Variants in NDUFS2 observed in about 807,000 individuals in gnomAD.
NDUFS2 encodes NADH dehydrogenase [ubiquinone] iron-sulfur protein 2, mitochondrial.
A neutral mutation model predicts 69.6 loss-of-function variants in NDUFS2; 38 were observed. That is an observed-to-expected ratio of 0.55 (90% CI 0.42 to 0.72). NDUFS2 has a LOEUF of 0.72. Ranked by LOEUF, NDUFS2 falls within the 30% of genes least tolerant of loss-of-function variation. The pLI is 0.00. For missense variants in NDUFS2, 468 were observed against 595.0 expected (o/e 0.79, Z 2.22); for synonymous variants, 194 against 211.2 (o/e 0.92, Z 0.70).
At position 161,209,942 on chromosome 1, in the gene NDUFS2, C is replaced by A; in HGVS notation, c.702+11C>A. Reference sequence around the variant, plus strand: ...GGAGGAGTGCACCAGGTGAGCAGGTCCCCGGCTTCCCCAAATGTCCAGCCC... The same window carrying A: ...GGAGGAGTGCACCAGGTGAGCAGGTACCCGGCTTCCCCAAATGTCCAGCCC... On this transcript the variant is annotated intron_variant, in intron 6 of 13. Transcript: ENST00000676972. 1 of 1,613,588 alleles carries A rather than the reference C, an allele frequency of 6.2e-7. No individual in the cohort carries two copies. Among genetic ancestry groups the A allele is most frequent in the South Asian group, 1.1e-5 (1 of 91,028 alleles).
At chr1:161,199,465 C>A (rs41270845), upstream of NDUFS2, 2 of 152,266 alleles carry the variant, frequency 1.3e-5, no homozygotes, top group African/African-American at 4.8e-5. Context: ...GCCCTAGTGG[C>A]TGGTTTCCAG....
At position 161,209,920 on chromosome 1, in the gene NDUFS2, G is replaced by A; in HGVS notation, c.691G>A (p.Gly231Arg). The stretch of plus-strand genomic sequence containing the variant: ...GCATGCTGCTTATATCCGGCCAGGA[G>A]GAGTGCACCAGGTGAGCAGGTCCCC... ...RMHAAYIRPG[G>R]VHQDLPLGLM... Residue 231 changes from glycine (G) to arginine (R), a missense_variant, in exon 6 of 14, where the codon GGA becomes AGA. This residue lies in a region of NDUFS2 where 339 missense variants were observed against 433.8 expected (regional missense o/e 0.78). Transcript: ENST00000676972. 6.2e-7 allele frequency: 1 copy of A among 1,614,094 alleles called. No individual in the cohort carries two copies. The highest frequency in any genetic ancestry group is 8.5e-7 in the Non-Finnish European group (1 of 1,180,026).
chr1:161,210,662 A>G lies in NDUFS2; in HGVS notation c.938A>G (p.Gln313Arg). 1 of 1,614,130 alleles carries G rather than the reference A, an allele frequency of 6.2e-7. No individual in the cohort carries two copies. Among genetic ancestry groups the G allele is most frequent in the Non-Finnish European group, 8.5e-7 (1 of 1,180,022 alleles). Residue 313 changes from glutamine to arginine, a missense_variant, in exon 9 of 14, where the codon CAG becomes CGG. Around this residue, in one of 3 missense-constraint regions of NDUFS2, gnomAD observed 339 missense variants for 433.8 expected, o/e 0.78. Transcript: ENST00000676972. Reference protein sequence around the residue: ...RKTQPYDVYDQVEFDVPVGSR... With the variant: ...RKTQPYDVYDRVEFDVPVGSR... The stretch of plus-strand genomic sequence containing the variant: ...ACCCAGCCCTATGATGTTTACGACC[A>G]GGTTGAGTTTGATGTTCCTGTTGGT...
rs560241867 is a variant in NDUFS2, at chr1:161,212,705, G to A, written c.1116+225G>A. 25 of 436,306 alleles carry A rather than the reference G, an allele frequency of 5.7e-5. No homozygotes were observed. The East Asian group carries it at 8.8e-4, about 15-fold the overall frequency. 27.0% of individuals were successfully genotyped at this position (436,306 alleles called of 1,614,324 possible). A position where few individuals can be genotyped will look rare whatever the true frequency, so the allele number is the denominator to read the frequency against. Reference sequence around the variant, plus strand: ...CTCCCAAGTAGCTGAGATTACAGGCGTGTGCCACTACGCCCAGCTAATTTT... The same window carrying A: ...CTCCCAAGTAGCTGAGATTACAGGCATGTGCCACTACGCCCAGCTAATTTT... On this transcript the variant is annotated intron_variant, in intron 10 of 13. Transcript: ENST00000676972.
intron 9 of NDUFS2, among the ~76,000 whole-genome samples, chr1:161,211,665 G>A (rs912657393): frequency 8.6e-5 from 13 of 152,016 alleles, no homozygotes; most frequent in Admixed American, 4.6e-4. Context: ...AACAAAAAAC[G>A]AAAACCAAAA....
chr1:161,202,612 C>G, intron 1 of NDUFS2, 132 bp downstream of exon 1: 3 of 1,008,002 alleles, frequency 3.0e-6, no homozygotes, highest in Non-Finnish European at 4.5e-6. Context: ...TCTTGGGCTA[C>G]GGGATGCAGT....
At chr1:161,202,081 C>A (rs943256622), upstream of NDUFS2, 1 of 477,860 alleles carries the variant, frequency 2.1e-6, no homozygotes, top group Non-Finnish European at 3.8e-6. Context: ...CGCAGGCGGG[C>A]TCGGCGAGAG....
At position 161,212,593 on chromosome 1, in the gene NDUFS2, G is replaced by A. The variant is rs1008178109; in HGVS notation, c.1116+113G>A. The A allele has an allele frequency of 1.7e-5, 24 of 1,401,390 alleles. No individual in the cohort carries two copies. In the East Asian group the frequency reaches 5.7e-4, roughly 33 times the overall value. 86.8% of individuals were successfully genotyped at this position (1,401,390 alleles called of 1,614,324 possible). A position where few individuals can be genotyped will look rare whatever the true frequency, so the allele number is the denominator to read the frequency against. ...GGTTTTCTTTTTTTTTTGAGACAGA[G>A]TTTTACTCTTATTGCCCAGACTGGA... On this transcript the variant is annotated intron_variant, in intron 10 of 13. Coordinates refer to ENST00000676972, the MANE Select transcript of NDUFS2 (RefSeq NM_001377299.1).
rs1437950569 is a variant in NDUFS2, at chr1:161,209,270, G to C, written c.471G>C (p.Lys157Asn). 6.2e-7 allele frequency: 1 copy of C among 1,614,150 alleles called. No homozygotes were observed. Among genetic ancestry groups the C allele is most frequent in the Non-Finnish European group, 8.5e-7 (1 of 1,180,034 alleles). The change falls in exon 4 of 14, where the codon AAG becomes AAC. Residue 157 changes from lysine (K) to asparagine (N), a missense_variant. Transcript: ENST00000676972. ...NEQAYSLAVEKLLNIRPPPRA... is the reference protein window; with the variant it reads ...NEQAYSLAVENLLNIRPPPRA... ...AGGCCTATTCTCTAGCTGTGGAGAAGTTGCTAAACATCCGGCCTCCTCCTC... is the reference window on the plus strand; with the variant it reads ...AGGCCTATTCTCTAGCTGTGGAGAACTTGCTAAACATCCGGCCTCCTCCTC...
intron 9 of NDUFS2, among the ~76,000 whole-genome samples, chr1:161,210,937 C>T (rs1379337058): frequency 6.6e-6 from 1 of 152,170 alleles, no homozygotes; most frequent in African/African-American, 2.4e-5. Flanking sequence ...TGCAATGGTG[C>T]AATCTCGGCT....
chr1:161,210,802 A>G (rs1052330974), intron 9 of NDUFS2, 92 bp downstream of exon 9: 18 of 1,584,766 alleles, frequency 1.1e-5, no homozygotes, highest in Admixed American at 8.5e-5. Context: ...CCTACTTCTC[A>G]GTGTCTGTGG....
chr1:161,208,453 A>C (rs1157002430), intron 3 of NDUFS2, among the ~76,000 whole-genome samples: 1 of 151,802 alleles, frequency 6.6e-6, no homozygotes, highest in Non-Finnish European at 1.5e-5. Flanking sequence ...GGCATGCACC[A>C]CCACGCCCTG....
At chr1:161,200,127 T>C (rs1324741568), upstream of NDUFS2, among the ~76,000 whole-genome samples, 2 of 152,144 alleles carry the variant, frequency 1.3e-5, no homozygotes, top group Non-Finnish European at 2.9e-5. Flanking sequence ...CAGTGGTTCC[T>C]GGAATATCTA....
chr1:161,206,332 G>A, intron 2 of NDUFS2, 75 bp from the exon 3 acceptor site: 1 of 1,468,140 alleles, frequency 6.8e-7, no homozygotes, highest in Admixed American at 1.7e-5. Context: ...TATAGGGAGA[G>A]GCTAACTCCT....
upstream of NDUFS2, chr1:161,197,912 TG>T: frequency 6.7e-7 from 1 of 1,498,674 alleles, no homozygotes; most frequent in Non-Finnish European, 8.9e-7. Flanking sequence ...GAAGTGTAAG[TG>T]GGTGGAGAGA....
At position 161,206,448 on chromosome 1, in the gene NDUFS2, C is replaced by G; in HGVS notation, c.244C>G (p.Leu82Val). 2 of 1,614,240 alleles carry G rather than the reference C, an allele frequency of 1.2e-6. No individual in the cohort carries two copies. Among genetic ancestry groups the G allele is most frequent in the Non-Finnish European group, 1.7e-6 (2 of 1,180,048 alleles). The change falls in exon 3 of 14, where the codon CTG (leucine) becomes GTG (valine). Residue 82 changes from leucine to valine, a missense_variant. Leu to Val is a conservative substitution (Grantham distance 32, BLOSUM62 1). This residue lies in a region of NDUFS2 where 339 missense variants were observed against 433.8 expected (regional missense o/e 0.78). Coordinates refer to ENST00000676972, the MANE Select transcript of NDUFS2 (RefSeq NM_001377299.1). The part of the protein sequence containing the change: ...PKDTIVKNIT[L>V]NFGPQHPAAH... ...GGACACAATTGTGAAGAACATTACC[C>G]TGAACTTTGGGCCCCAACACCCAGC...
chr1:161,211,945 T>C (rs1665789453), intron 9 of NDUFS2, among the ~76,000 whole-genome samples: 1 of 152,086 alleles, frequency 6.6e-6, no homozygotes, highest in Non-Finnish European at 1.5e-5. Flanking sequence ...CTGGGGTTGG[T>C]GGCTCATGCC....
intron 5 of NDUFS2, 46 bp from the exon 6 acceptor site, chr1:161,209,811 T>G (rs1665671040): frequency 6.3e-7 from 1 of 1,596,982 alleles, no homozygotes. Flanking sequence ...TCATAGGACC[T>G]GGGGGCCTGG....
Position 161,210,125 on chromosome 1 carries a change from G to C in NDUFS2, c.717G>C (p.Gly239=). ...TTGGCTTCTAGGACCTACCCCTTGG[G>C]CTTATGGATGACATTTATCAGTTTT... The part of the protein sequence containing the change: ...PGGVHQDLPL[G]LMDDIYQFSK... The change falls in exon 7 of 14, where the codon GGG becomes GGC. Residue 239 remains glycine, a synonymous_variant. Transcript: ENST00000676972. The C allele has an allele frequency of 6.2e-7, 1 of 1,614,076 alleles. No individual in the cohort carries two copies. The highest frequency in any genetic ancestry group is 2.2e-5 in the East Asian group (1 of 44,870).
Sources: allele counts gnomAD v4.1 joint callset (sites outside exome capture counted in the v4.1 genomes callset), GRCh38; gene constraint gnomAD v4.1.1; regional missense constraint gnomAD v4.1.1; transcripts MANE v1.5; gene names NCBI Gene and HGNC (gene_info 2026-07-23, HGNC 2026-07-21).